The following NRG3 variants were observed in gnomAD, a reference collection of about 807,000 sequenced individuals.
NRG3 encodes the protein pro-neuregulin-3, membrane-bound isoform.
In NRG3, 31 loss-of-function variants were observed where a neutral mutation model predicts 66.9. The observed-to-expected ratio is 0.46, with a 90% CI of 0.35 to 0.63. The LOEUF (loss-of-function observed/expected upper bound fraction) is 0.63, where lower values mean the gene tolerates loss of function less well. Among genes scored for constraint, NRG3 ranks in the 20% least tolerant of loss-of-function variants. NRG3 has a pLI of 0.00. For synonymous variants in NRG3, 393 were observed against 359.4 expected (o/e 1.09, Z -1.06); for missense variants, 910 against 878.9 (o/e 1.04, Z -0.45).
intron 1 of NRG3, among the ~76,000 whole-genome samples, chr10:81,904,890 A>C (rs1449322295): frequency 6.6e-6 from 1 of 152,110 alleles, no homozygotes; most frequent in Non-Finnish European, 1.5e-5. Flanking sequence ...TTGCTGTGAG[A>C]ATGAAAAGAG....
At chr10:82,563,832 C>G (rs2133043634) in intron 2 of NRG3, among the ~76,000 whole-genome samples, 1 of 151,956 alleles carries the variant, frequency 6.6e-6, no homozygotes, top group Non-Finnish European at 1.5e-5. Context: ...AATTATGAAA[C>G]TAAAATTTTC....
rs371312838 is a variant in NRG3, at chr10:82,136,649, C to T, written c.824-222090C>T. ...TTACACCAGAAGCCAGTACTGTATG[C>T]GGGTCTCACCCAAGTCCCATGGCAA... On this transcript the variant is annotated intron_variant, in intron 1 of 8. Transcript: ENST00000372141. Among the ~76,000 whole-genome samples the T allele has an allele frequency of 9.9e-5, 15 of 152,128 alleles. No individual in the cohort carries two copies. In the East Asian group the frequency reaches 2.3e-3, roughly 24 times the overall value.
intron 2 of NRG3, among the ~76,000 whole-genome samples, chr10:82,547,568 CTGATGTATATATACAT>C (rs2044008059): frequency 6.6e-6 from 1 of 150,382 alleles, no homozygotes; most frequent in Non-Finnish European, 1.5e-5. Context: ...TGTATATACA[CTGATGTATATATACAT>C]TGATGTATAT....
At chr10:82,260,990 A>C (rs2077995975) in intron 1 of NRG3, among the ~76,000 whole-genome samples, 1 of 152,158 alleles carries the variant, frequency 6.6e-6, no homozygotes, top group Non-Finnish European at 1.5e-5. Flanking sequence ...CAGGTTGCTC[A>C]TGAATGGCTT....
intron 1 of NRG3, among the ~76,000 whole-genome samples, chr10:81,986,213 T>C (rs2060513162): frequency 6.6e-6 from 1 of 152,142 alleles, no homozygotes; most frequent in Non-Finnish European, 1.5e-5. Flanking sequence ...GGCTGCAAAA[T>C]TAGGCTGTTT....
intron 1 of NRG3, among the ~76,000 whole-genome samples, chr10:81,955,070 TACAG>T (rs1849695716): frequency 6.6e-6 from 1 of 150,770 alleles, no homozygotes. Flanking sequence ...TATATGTAGA[TACAG>T]ATATATACCT....
In NRG3 at chr10:82,973,798, T is replaced by C. The variant is rs538809560; in HGVS notation, c.1295T>C (p.Val432Ala). The change falls in exon 7 of 9, where the codon GTG (valine) becomes GCG (alanine). Residue 432 changes from valine to alanine, a missense_variant. By Grantham distance (64) the Val-to-Ala change is moderately conservative (BLOSUM62 0). Coordinates refer to ENST00000372141, the MANE Select transcript of NRG3 (RefSeq NM_001010848.4). Reference protein sequence around the residue: ...SHVQLQNYSKVERHPVTALEK... With the variant: ...SHVQLQNYSKAERHPVTALEK... ...TGTGATTTCCCACAGTATTCAAAGG[T>C]GGAAAGGCATCCTGTGACTGCATTG... 6.2e-7 allele frequency: 1 copy of C among 1,613,862 alleles called. No homozygotes were observed. Among genetic ancestry groups the C allele is most frequent in the Non-Finnish European group, 8.5e-7 (1 of 1,179,906 alleles).
chr10:82,766,439 A>C (rs372485066), intron 3 of NRG3, among the ~76,000 whole-genome samples: 12 of 152,302 alleles, frequency 7.9e-5, no homozygotes, highest in South Asian at 4.1e-4. Context: ...TTGTCTATAA[A>C]GATCTGCTTA....
intron 2 of NRG3, among the ~76,000 whole-genome samples, chr10:82,437,857 T>C (rs1158747229): frequency 6.6e-6 from 1 of 152,160 alleles, no homozygotes; most frequent in Non-Finnish European, 1.5e-5. Flanking sequence ...TCTATTCAGC[T>C]GATTTGCTCC....
chr10:82,103,336 G>A (rs2132141435), intron 1 of NRG3, among the ~76,000 whole-genome samples: 1 of 152,106 alleles, frequency 6.6e-6, no homozygotes, highest in East Asian at 1.9e-4. Flanking sequence ...AGTAATTTTG[G>A]GTTGAGTTCT....
chr10:82,623,337 C>A (rs141388753), intron 2 of NRG3, among the ~76,000 whole-genome samples: 21 of 152,284 alleles, frequency 1.4e-4, no homozygotes, highest in African/African-American at 4.8e-4. Context: ...AGTGTGCGTT[C>A]TGTGTACTAT....
rs535786857 is a variant in NRG3, at chr10:82,784,110, G to C, written c.1027+45460G>C. Among the ~76,000 whole-genome samples the C allele has an allele frequency of 4.9e-4, 75 of 152,146 alleles. No individual in the cohort carries two copies. In the South Asian group the frequency reaches 8.5e-3, roughly 17 times the overall value. The stretch of plus-strand genomic sequence containing the variant: ...CTGAGAAAAACAAGCAATGGGGAAA[G>C]GATTCCCTATTTAATAAATGGTGCT... On this transcript the variant is annotated intron_variant, in intron 3 of 8. Transcript: ENST00000372141.
chr10:82,777,486 A>C (rs1260566663), intron 3 of NRG3, among the ~76,000 whole-genome samples: 1 of 152,172 alleles, frequency 6.6e-6, no homozygotes, highest in African/African-American at 2.4e-5. Flanking sequence ...ACATTGATGC[A>C]GGTTCATTCT....
At chr10:82,477,859 G>A (rs1465782633) in intron 2 of NRG3, among the ~76,000 whole-genome samples, 2 of 152,110 alleles carry the variant, frequency 1.3e-5, no homozygotes, top group Non-Finnish European at 2.9e-5. Context: ...CTACTAATTA[G>A]CTGAACAGTG....
intron 1 of NRG3, among the ~76,000 whole-genome samples, chr10:82,072,563 TTGCTC>T (rs2064867484): frequency 6.6e-6 from 1 of 152,186 alleles, no homozygotes; most frequent in African/African-American, 2.4e-5. Flanking sequence ...AAATAAATAT[TTGCTC>T]TGCTTATAGA....
chr10:82,331,951 C>T (rs1334077627), intron 1 of NRG3, among the ~76,000 whole-genome samples: 1 of 152,176 alleles, frequency 6.6e-6, no homozygotes, highest in Non-Finnish European at 1.5e-5. Context: ...GTGAGCTCCA[C>T]TCTGCTCTGC....
chr10:82,138,299 G>A (rs562114720), intron 1 of NRG3, among the ~76,000 whole-genome samples: 4 of 152,190 alleles, frequency 2.6e-5, no homozygotes, highest in East Asian at 3.9e-4. Context: ...AGTACAAAAT[G>A]CCCAAAGGTA....
At chr10:82,202,827 G>A (rs1337071302) in intron 1 of NRG3, among the ~76,000 whole-genome samples, 2 of 152,152 alleles carry the variant, frequency 1.3e-5, no homozygotes, top group Non-Finnish European at 2.9e-5. Context: ...AGGGACGTGG[G>A]AAGATCTGAC....
intron 1 of NRG3, among the ~76,000 whole-genome samples, chr10:82,309,111 C>T (rs1589672045): frequency 6.6e-6 from 1 of 152,294 alleles, no homozygotes; most frequent in East Asian, 1.9e-4. Flanking sequence ...TACTATTGCC[C>T]TCCCCTTGGA....
Sources: gnomAD v4.1 joint callset for allele counts (sites outside exome capture counted in the v4.1 genomes callset) on GRCh38, gnomAD v4.1.1 for gene constraint, MANE v1.5 for transcripts, NCBI Gene and HGNC (gene_info 2026-07-23, HGNC 2026-07-21) for gene names.